CMSS1: variants seen among roughly 807,000 people sequenced by gnomAD.
The protein encoded by CMSS1 is cms1 ribosomal small subunit homolog.
CMSS1 carries 33 observed loss-of-function variants against 43.5 expected under a neutral mutation model. That is an observed-to-expected ratio of 0.76 (90% CI 0.57 to 1.01). CMSS1 has a LOEUF of 1.01. CMSS1 is among the 50% of genes least tolerant of loss of function. The probability of loss-of-function intolerance (pLI) is 0.00; values close to 1 mark genes in which losing one functional copy is unlikely to be tolerated. For synonymous variants in CMSS1, 115 were observed against 117.2 expected, an observed-to-expected ratio of 0.98 and a Z score of 0.12; for missense variants, 313 against 326.4, an observed-to-expected ratio of 0.96 and a Z score of 0.32.
intron 1 of CMSS1, among the ~76,000 whole-genome samples, chr3:99,855,525 T>C (rs902804561): frequency 2.0e-5 from 3 of 152,150 alleles, no homozygotes; most frequent in African/African-American, 2.4e-5. Flanking sequence ...GCTGTGAAAA[T>C]TGAGGCTCAC....
rs576247750 is a variant in CMSS1 at position 100,018,287 on chromosome 3, T to C, written c.65-128686T>C. On this transcript the variant is annotated intron_variant, in intron 1 of 9. Coordinates refer to ENST00000421999, the MANE Select transcript of CMSS1 (RefSeq NM_032359.4). Reference sequence around the variant, plus strand: ...GTTACAGTGAGCTGAGATTGTGCCATTGCACTCCAGCCTAGGCGACAAGAG... The same window carrying C: ...GTTACAGTGAGCTGAGATTGTGCCACTGCACTCCAGCCTAGGCGACAAGAG... Among the ~76,000 whole-genome samples, 4 of 152,136 alleles carry C rather than the reference T, an allele frequency of 2.6e-5. No homozygotes were observed. The South Asian group carries it at 8.3e-4, about 32-fold the overall frequency.
At chr3:99,903,396 C>T (rs1338462322) in intron 1 of CMSS1, among the ~76,000 whole-genome samples, 1 of 151,876 alleles carries the variant, frequency 6.6e-6, no homozygotes, top group African/African-American at 2.4e-5. Context: ...GGATTACAGG[C>T]GCCTGCCACC....
chr3:99,925,968 A>G, intron 1 of CMSS1: 1 of 712,698 alleles, frequency 1.4e-6, no homozygotes, highest in Non-Finnish European at 1.7e-6. Context: ...CTAGTGATAA[A>G]TTAATATCTA....
chr3:100,038,597 T>C (rs2065149873), intron 1 of CMSS1, among the ~76,000 whole-genome samples: 1 of 152,222 alleles, frequency 6.6e-6, no homozygotes, highest in Non-Finnish European at 1.5e-5. Flanking sequence ...TGGAAGTAAA[T>C]AGGATTATTC....
At position 100,099,781 on chromosome 3, in the gene CMSS1, C is replaced by T. The variant is rs368606743; in HGVS notation, c.65-47192C>T. Among the ~76,000 whole-genome samples, 25 of 152,230 alleles carry T rather than the reference C, an allele frequency of 1.6e-4. No individual in the cohort carries two copies. The East Asian group carries it at 2.1e-3, about 13-fold the overall frequency. On this transcript the variant is annotated intron_variant, in intron 1 of 9. Transcript: ENST00000421999. Reference sequence around the variant, plus strand: ...ATGTTCTGTAGCAGTGGGAACCTAACAGGCCACCAAGGAGAGCCAGACATT... The same window carrying T: ...ATGTTCTGTAGCAGTGGGAACCTAATAGGCCACCAAGGAGAGCCAGACATT...
intron 1 of CMSS1, among the ~76,000 whole-genome samples, chr3:99,862,020 C>A (rs891851052): frequency 6.6e-6 from 1 of 152,044 alleles, no homozygotes; most frequent in African/African-American, 2.4e-5. Flanking sequence ...GTGCCTGGCA[C>A]AATACATGTC....
intron 1 of CMSS1, among the ~76,000 whole-genome samples, chr3:99,970,797 A>G (rs756272288): frequency 4.6e-5 from 7 of 152,212 alleles, no homozygotes; most frequent in Non-Finnish European, 8.8e-5. Context: ...ACATTATACT[A>G]TCTGCTACAG....
chr3:100,062,312 C>A (rs993312729), intron 1 of CMSS1, among the ~76,000 whole-genome samples: 40 of 151,600 alleles, frequency 2.6e-4, no homozygotes, highest in East Asian at 1.9e-4. Context: ...GAGGTTTCAC[C>A]GTGTTAGCCA....
chr3:99,848,801 A>T, intron 1 of CMSS1: 1 of 1,614,100 alleles, frequency 6.2e-7, no homozygotes, highest in Non-Finnish European at 8.5e-7. Flanking sequence ...GAGGTTTTGG[A>T]CTTTACTGGT....
intron 1 of CMSS1, among the ~76,000 whole-genome samples, chr3:100,039,141 T>A (rs913666160): frequency 2.6e-5 from 4 of 152,250 alleles, no homozygotes; most frequent in African/African-American, 9.6e-5. Context: ...ATTATCATCA[T>A]CTAATAATAG....
chr3:99,897,048 G>T (rs902607364), intron 1 of CMSS1, among the ~76,000 whole-genome samples: 3 of 152,062 alleles, frequency 2.0e-5, no homozygotes, highest in Admixed American at 6.5e-5. Context: ...GCATAGAAAT[G>T]ATTGTGATTA....
At chr3:99,832,292 G>A (rs544003837) in intron 1 of CMSS1, among the ~76,000 whole-genome samples, 16 of 148,506 alleles carry the variant, frequency 1.1e-4, no homozygotes, top group African/African-American at 3.7e-4. Context: ...GTGCAGTGGC[G>A]CGATATCGGC....
intron 1 of CMSS1, among the ~76,000 whole-genome samples, chr3:99,875,744 C>G (rs1048375505): frequency 6.6e-6 from 1 of 152,072 alleles, no homozygotes; most frequent in Non-Finnish European, 1.5e-5. Flanking sequence ...ACAATATAGT[C>G]TCCCCCACCC....
intron 1 of CMSS1, among the ~76,000 whole-genome samples, chr3:99,846,556 G>A (rs1943372564): frequency 6.6e-6 from 1 of 152,182 alleles, no homozygotes; most frequent in African/African-American, 2.4e-5. Flanking sequence ...TTGGGTCACT[G>A]TTGATTCCTA....
At chr3:99,896,097 C>G (rs1486655696) in intron 1 of CMSS1, among the ~76,000 whole-genome samples, 1 of 151,402 alleles carries the variant, frequency 6.6e-6, no homozygotes, top group African/African-American at 2.4e-5. Flanking sequence ...GTGGAATAAA[C>G]TTTTAGAAAA....
intron 1 of CMSS1, among the ~76,000 whole-genome samples, chr3:100,037,470 A>G (rs35701020): frequency 0.18 from 27,295 of 152,040 alleles, 2,794 homozygotes; most frequent in South Asian, 0.24. Flanking sequence ...ACACACACGC[A>G]CATTGTTATC....
At position 100,088,163 on chromosome 3, in the gene CMSS1, G is replaced by T. The variant is rs150594469; in HGVS notation, c.65-58810G>T. ...TAATTTTTTTAAACTACTTTTGTAG[G>T]TTTTTAAAGTGAAATTTGGGAGCTT... is the stretch of plus-strand genomic sequence containing the variant. On this transcript the variant is annotated intron_variant, in intron 1 of 9. Transcript: ENST00000421999. Among the ~76,000 whole-genome samples, 706 of 152,216 alleles carry T rather than the reference G, an allele frequency of 4.6e-3. 2 individuals carry two copies. The highest frequency in any genetic ancestry group is 7.0e-3 in the South Asian group (34 of 4,824).
chr3:99,819,516 G>A (rs544112868), intron 1 of CMSS1, among the ~76,000 whole-genome samples: 11 of 152,246 alleles, frequency 7.2e-5, no homozygotes, highest in East Asian at 3.9e-4. Context: ...ATAACATCCC[G>A]AAAAGGTAAG....
chr3:100,087,004 C>G (rs1361643998), intron 1 of CMSS1, among the ~76,000 whole-genome samples: 1 of 152,168 alleles, frequency 6.6e-6, no homozygotes, highest in Non-Finnish European at 1.5e-5. Context: ...ACTTGAGATA[C>G]TATCCAAATT....
Sources: gnomAD v4.1 joint callset for allele counts (sites outside exome capture counted in the v4.1 genomes callset) on GRCh38, gnomAD v4.1.1 for gene constraint, MANE v1.5 for transcripts, NCBI Gene and HGNC (gene_info 2026-07-23, HGNC 2026-07-21) for gene names.